MCMDC2: variants seen among roughly 807,000 people sequenced by gnomAD.
MCMDC2 encodes minichromosome maintenance domain containing 2.
MCMDC2 carries 54 observed loss-of-function variants against 75.8 expected under a neutral mutation model. The observed-to-expected ratio is 0.71, with a 90% CI of 0.57 to 0.89. The LOEUF (loss-of-function observed/expected upper bound fraction) is 0.89. Among genes scored for constraint, MCMDC2 ranks in the 40% least tolerant of loss-of-function variants. The probability of loss-of-function intolerance (pLI) is 0.00; values close to 1 mark genes in which losing one functional copy is unlikely to be tolerated. For missense variants in MCMDC2, 656 were observed against 780.4 expected (o/e 0.84, Z 1.90); for synonymous variants, 249 against 274.6 (o/e 0.91, Z 0.92).
At position 66,905,255 on chromosome 8, in the gene MCMDC2, T is replaced by C; in HGVS notation, c.1799T>C (p.Leu600Pro). Residue 600 changes from leucine (L) to proline (P), a missense_variant, in exon 14 of 15, where the codon CTG becomes CCG. Coordinates refer to ENST00000422365, the MANE Select transcript of MCMDC2 (RefSeq NM_173518.5). ...LVFLSEAHAR[L>P]NLRNKVLKED... ...TTCCTATCTGAAGCCCATGCACGACTGAACTTAAGGAACAAAGTGCTTAAA... is the reference window on the plus strand; with the variant it reads ...TTCCTATCTGAAGCCCATGCACGACCGAACTTAAGGAACAAAGTGCTTAAA... 6.7e-7 allele frequency: 1 copy of C among 1,495,716 alleles called. No individual in the cohort carries two copies. Among genetic ancestry groups the C allele is most frequent in the South Asian group, 1.4e-5 (1 of 70,366 alleles). 92.7% of individuals were successfully genotyped at this position (1,495,716 alleles called of 1,614,324 possible). A position where few individuals can be genotyped will look rare whatever the true frequency, so the allele number is the denominator to read the frequency against.
chr8:66,891,671 G>A (rs1272608014), intron 10 of MCMDC2, among the ~76,000 whole-genome samples: 1 of 152,148 alleles, frequency 6.6e-6, no homozygotes, highest in Non-Finnish European at 1.5e-5. Flanking sequence ...TGCTGGGCTT[G>A]TTCTGCTCAC....
At chr8:66,915,947 C>G (rs1468415504) in intron 14 of MCMDC2, among the ~76,000 whole-genome samples, 1 of 152,116 alleles carries the variant, frequency 6.6e-6, no homozygotes, top group Admixed American at 6.5e-5. Context: ...GAGTGGTCAA[C>G]TGAATCACAT....
At chr8:66,890,623 T>C (rs1341314593) in intron 9 of MCMDC2, among the ~76,000 whole-genome samples, 1 of 152,072 alleles carries the variant, frequency 6.6e-6, no homozygotes, top group Non-Finnish European at 1.5e-5. Flanking sequence ...CAGGTTCAAA[T>C]GATTCTTGTG....
At chr8:66,907,056 C>T (rs1296040131) in intron 14 of MCMDC2, among the ~76,000 whole-genome samples, 1 of 152,098 alleles carries the variant, frequency 6.6e-6, no homozygotes, top group Non-Finnish European at 1.5e-5. Flanking sequence ...GCGTGAGCCA[C>T]CGTGTCCCAC....
chr8:66,897,451 G>T (rs1812415100), intron 12 of MCMDC2, among the ~76,000 whole-genome samples: 1 of 150,742 alleles, frequency 6.6e-6, no homozygotes, highest in Non-Finnish European at 1.5e-5. Flanking sequence ...AAATTATTTA[G>T]AATTATTTAG....
At chr8:66,922,433 TTACA>T (rs1563397521), downstream of MCMDC2, 1 of 508,028 alleles carries the variant, frequency 2.0e-6, no homozygotes. Flanking sequence ...AATTATTGCC[TTACA>T]TACATGTCAG....
chr8:66,916,547 T>C (rs530787520), intron 14 of MCMDC2, among the ~76,000 whole-genome samples: 1 of 152,272 alleles, frequency 6.6e-6, no homozygotes, highest in African/African-American at 2.4e-5. Flanking sequence ...CTAGCAGCCT[T>C]CGTGCCAGCA....
Position 66,909,226 on chromosome 8 carries a change from C to T in MCMDC2, c.1879+3891C>T, listed in dbSNP as rs534456359. Reference sequence around the variant, plus strand: ...AAGTTTCCTGAGGCCTCCCCAGCCACGCTGAACTGTGAGTCAATTAAACCT... The same window carrying T: ...AAGTTTCCTGAGGCCTCCCCAGCCATGCTGAACTGTGAGTCAATTAAACCT... On this transcript the variant is annotated intron_variant, in intron 14 of 14. Coordinates refer to ENST00000422365, the MANE Select transcript of MCMDC2 (RefSeq NM_173518.5). Among the ~76,000 whole-genome samples the T allele has an allele frequency of 1.6e-4, 25 of 152,274 alleles. No homozygotes were observed. In the South Asian group the frequency reaches 2.7e-3, roughly 16 times the overall value.
intron 9 of MCMDC2, among the ~76,000 whole-genome samples, chr8:66,887,743 G>T (rs555875822): frequency 6.6e-6 from 1 of 152,224 alleles, no homozygotes; most frequent in East Asian, 1.9e-4. Context: ...TTGGTAGGAG[G>T]TATGAGTTAA....
chr8:66,880,790 G>A, intron 7 of MCMDC2, 59 bp from the exon 8 acceptor site: 2 of 1,390,582 alleles, frequency 1.4e-6, no homozygotes, highest in Non-Finnish European at 1.9e-6. Flanking sequence ...TGAACCATAT[G>A]TTCATGTACA....
intron 8 of MCMDC2, among the ~76,000 whole-genome samples, chr8:66,882,846 T>G (rs1038941138): frequency 6.6e-6 from 1 of 152,252 alleles, no homozygotes; most frequent in East Asian, 1.9e-4. Flanking sequence ...TTAGTGATCT[T>G]TTAAATATTT....
chr8:66,903,993 A>C (rs1416993523), intron 13 of MCMDC2, among the ~76,000 whole-genome samples: 1 of 152,188 alleles, frequency 6.6e-6, no homozygotes. Flanking sequence ...ATTGATGAGA[A>C]AATGGTAATG....
chr8:66,914,283 C>CAAA (rs67943900), intron 14 of MCMDC2, among the ~76,000 whole-genome samples: 14 of 85,702 alleles, frequency 1.6e-4, no homozygotes, highest in East Asian at 3.6e-4. Context: ...ACCCTGTATC[C>CAAA]AAAAAAAAAA....
rs377481431 is a variant in MCMDC2 at position 66,874,106 on chromosome 8, T to C, written c.-35T>C. 2.7e-6 allele frequency: 4 copies of C among 1,459,498 alleles called. No homozygotes were observed. Among genetic ancestry groups the C allele is most frequent in the Non-Finnish European group, 3.7e-6 (4 of 1,069,484 alleles). The allele number at this position is 1,459,498 out of a possible 1,614,324, so 90.4% of individuals were successfully genotyped here. ...CATCTATAGCTTTTATCAACAATTG[T>C]GGTTTAATCAATTAGAAATATTAAC... is the stretch of plus-strand genomic sequence containing the variant. On this transcript the variant is annotated 5_prime_UTR_variant, in exon 2 of 15. Transcript: ENST00000422365.
chr8:66,901,293 A>G lies in MCMDC2; in HGVS notation c.1714A>G (p.Ile572Val). The change falls in exon 13 of 15, where the codon ATC becomes GTC. Residue 572 changes from isoleucine (I) to valine (V), a missense_variant. Physicochemically the swap from Ile to Val is conservative, Grantham distance 29 (BLOSUM62 3). Coordinates refer to ENST00000422365, the MANE Select transcript of MCMDC2 (RefSeq NM_173518.5). ...THGYYLASRRIRTGSVCGSKL... is the reference protein window; with the variant it reads ...THGYYLASRRVRTGSVCGSKL... Reference sequence around the variant, plus strand: ...TGGCTATTATCTAGCAAGTCGCAGAATCAGAACAGGCTCTGTATGTGGATC... The same window carrying G: ...TGGCTATTATCTAGCAAGTCGCAGAGTCAGAACAGGCTCTGTATGTGGATC... The G allele has an allele frequency of 6.2e-7, 1 of 1,614,126 alleles. No individual in the cohort carries two copies. The highest frequency in any genetic ancestry group is 1.3e-5 in the African/African-American group (1 of 75,068).
chr8:66,889,925 A>AC (rs1262337061), intron 9 of MCMDC2, among the ~76,000 whole-genome samples: 1 of 152,220 alleles, frequency 6.6e-6, no homozygotes, highest in African/African-American at 2.4e-5. Context: ...TTTTGATGGG[A>AC]CACTAGCAAG....
intron 14 of MCMDC2, 53 bp from the exon 15 acceptor site, chr8:66,918,948 ACT>A: frequency 7.7e-7 from 1 of 1,306,786 alleles, no homozygotes; most frequent in South Asian, 2.0e-5. Flanking sequence ...GTGATTTCAT[ACT>A]TGTCATTTTA....
intron 12 of MCMDC2, among the ~76,000 whole-genome samples, chr8:66,899,481 C>G (rs752194429): frequency 1.8e-4 from 28 of 152,066 alleles, no homozygotes; most frequent in Non-Finnish European, 3.7e-4. Context: ...AGGACATGTC[C>G]AATCTAGGAC....
Position 66,884,005 on chromosome 8 carries a change from G to A in MCMDC2, c.1073+11G>A, listed in dbSNP as rs574236041. On this transcript the variant is annotated intron_variant, in intron 9 of 14. Transcript: ENST00000422365. The stretch of plus-strand genomic sequence containing the variant: ...TCTACTCATAGACAGGTATATATGT[G>A]ACATGAATTTTTACAAATATTAATT... The A allele has an allele frequency of 6.5e-7, 1 of 1,542,878 alleles. No homozygotes were observed. Among genetic ancestry groups the A allele is most frequent in the African/African-American group, 1.4e-5 (1 of 73,552 alleles).
Sources: gnomAD v4.1 joint callset for allele counts (sites outside exome capture counted in the v4.1 genomes callset) on GRCh38, gnomAD v4.1.1 for gene constraint, MANE v1.5 for transcripts, NCBI Gene and HGNC (gene_info 2026-07-23, HGNC 2026-07-21) for gene names.